The following KCNH1 variants were observed in gnomAD, a reference collection of about 807,000 sequenced individuals.
The protein encoded by KCNH1 is voltage-gated delayed rectifier potassium channel KCNH1.
A neutral mutation model predicts 69.2 loss-of-function variants in KCNH1; 27 were observed. The observed-to-expected ratio is 0.39, with a 90% CI of 0.29 to 0.54. KCNH1 has a LOEUF of 0.54. KCNH1 is among the 20% of genes least tolerant of loss of function. The probability of loss-of-function intolerance (pLI) is 0.68; values close to 1 mark genes in which losing one functional copy is unlikely to be tolerated. For synonymous variants in KCNH1, 456 were observed against 487.7 expected (o/e 0.93, Z 0.86); for missense variants, 798 against 1,261.6 (o/e 0.63, Z 5.57).
intron 4 of KCNH1, among the ~76,000 whole-genome samples, chr1:211,089,273 A>G (rs1164429218): frequency 2.6e-5 from 4 of 152,242 alleles, no homozygotes; most frequent in Non-Finnish European, 5.9e-5. Flanking sequence ...CTGCCATGAA[A>G]TAGCTACTGC....
intron 7 of KCNH1, among the ~76,000 whole-genome samples, chr1:210,817,678 A>C (rs1558482212): frequency 6.6e-6 from 1 of 152,164 alleles, no homozygotes. Context: ...TAAATCTCTT[A>C]GCAGGCCTAT....
chr1:210,759,310 C>T (rs1252708700), intron 10 of KCNH1, among the ~76,000 whole-genome samples: 2 of 152,018 alleles, frequency 1.3e-5, no homozygotes, highest in Non-Finnish European at 2.9e-5. Flanking sequence ...AGCAATGGAT[C>T]TGAGCCAGAA....
chr1:210,764,871 G>A lies in KCNH1; in HGVS notation c.2112+10477C>T, dbSNP rs561524975. 2.6e-5 allele frequency among the ~76,000 whole-genome samples: 4 copies of A among 152,110 alleles called. No homozygotes were observed. In the South Asian group the frequency reaches 6.2e-4, roughly 24 times the overall value. On this transcript the variant is annotated intron_variant, in intron 10 of 10. Transcript: ENST00000271751. ...TCCCATTACTGGTTATAAACCCAAA[G>A]GAAAATAAATTGTTCTACCAAAAAA... is the stretch of plus-strand genomic sequence containing the variant.
At chr1:211,115,728 T>TACAC (rs1391345720) in intron 1 of KCNH1, among the ~76,000 whole-genome samples, 24 of 88,078 alleles carry the variant, frequency 2.7e-4, no homozygotes, top group Non-Finnish European at 3.3e-4. Flanking sequence ...TATATATATA[T>TACAC]ATACACACAC....
chr1:210,997,923 G>A (rs1689084788), intron 6 of KCNH1, among the ~76,000 whole-genome samples: 1 of 152,178 alleles, frequency 6.6e-6, no homozygotes, highest in Admixed American at 6.5e-5. Flanking sequence ...AGCTTCATAA[G>A]TGAAGGAGAA....
intron 6 of KCNH1, among the ~76,000 whole-genome samples, chr1:210,929,098 T>C (rs73071587): frequency 0.025 from 3,881 of 152,210 alleles, 143 homozygotes; most frequent in African/African-American, 0.087. Context: ...CTATCAGATA[T>C]TCAGAGAAGA....
intron 1 of KCNH1, among the ~76,000 whole-genome samples, chr1:211,113,514 T>C (rs2102491417): frequency 6.6e-6 from 1 of 152,292 alleles, no homozygotes; most frequent in South Asian, 2.1e-4. Context: ...AAACTTAGTG[T>C]GCTGGCCAAT....
At chr1:210,896,921 T>A (rs1057294069) in intron 7 of KCNH1, among the ~76,000 whole-genome samples, 1 of 152,222 alleles carries the variant, frequency 6.6e-6, no homozygotes, top group African/African-American at 2.4e-5. Flanking sequence ...AGCTTTAGAA[T>A]AGGAACCTCC....
chr1:210,994,101 T>C (rs1429176751), intron 6 of KCNH1, among the ~76,000 whole-genome samples: 1 of 152,196 alleles, frequency 6.6e-6, no homozygotes, highest in Non-Finnish European at 1.5e-5. Flanking sequence ...AAACACAAAA[T>C]TGCTGACATT....
At chr1:211,018,116 G>A (rs1330856911) in intron 6 of KCNH1, among the ~76,000 whole-genome samples, 1 of 152,064 alleles carries the variant, frequency 6.6e-6, no homozygotes, top group Non-Finnish European at 1.5e-5. Context: ...TCCACCATGA[G>A]TGACCTGGTC....
intron 5 of KCNH1, among the ~76,000 whole-genome samples, chr1:211,054,263 CA>C (rs1284717568): frequency 6.7e-6 from 1 of 149,398 alleles, no homozygotes; most frequent in African/African-American, 2.5e-5. Context: ...GCCTGAGTGG[CA>C]AAATGAGACT....
intron 6 of KCNH1, among the ~76,000 whole-genome samples, chr1:211,003,224 T>G (rs967758606): frequency 1.3e-5 from 2 of 151,042 alleles, no homozygotes; most frequent in African/African-American, 4.9e-5. Context: ...TGTGCTCCTC[T>G]AAATCTACAC....
At chr1:211,013,726 T>C (rs1337761837) in intron 6 of KCNH1, among the ~76,000 whole-genome samples, 1 of 152,194 alleles carries the variant, frequency 6.6e-6, no homozygotes, top group South Asian at 2.1e-4. Flanking sequence ...AGAGCTGGGA[T>C]GGGCTCATCA....
chr1:210,883,629 A>G (rs1383472653), intron 7 of KCNH1, among the ~76,000 whole-genome samples: 1 of 152,262 alleles, frequency 6.6e-6, no homozygotes, highest in African/African-American at 2.4e-5. Flanking sequence ...CTTAAAGTGC[A>G]TATAAATTAT....
intron 7 of KCNH1, among the ~76,000 whole-genome samples, chr1:210,872,244 A>T (rs534580574): frequency 4.6e-5 from 7 of 151,940 alleles, no homozygotes; most frequent in African/African-American, 1.7e-4. Context: ...ATTGTTAGCT[A>T]TGATGACAAT....
intron 10 of KCNH1, among the ~76,000 whole-genome samples, chr1:210,754,201 G>T (rs944972674): frequency 6.6e-6 from 1 of 152,036 alleles, no homozygotes; most frequent in African/African-American, 2.4e-5. Context: ...TTACAGGCAT[G>T]AGCCACCGCA....
rs553684810 is a variant in KCNH1, at chr1:210,996,496, T to G, written c.1032+22287A>C. On this transcript the variant is annotated intron_variant, in intron 6 of 10. Coordinates refer to ENST00000271751, the MANE Select transcript of KCNH1 (RefSeq NM_172362.3). ...AACAAAGCAGCCAGGAACCTCGAAC[T>G]GGGTGGAGCCCACCACAGCTCAAGG... 1.9e-3 allele frequency among the ~76,000 whole-genome samples: 288 copies of G among 152,366 alleles called. 2 individuals carry two copies. Among genetic ancestry groups the G allele is most frequent in the African/African-American group, 6.4e-3 (267 of 41,596 alleles).
chr1:210,870,618 T>C (rs1231389327), intron 7 of KCNH1, among the ~76,000 whole-genome samples: 1 of 152,198 alleles, frequency 6.6e-6, no homozygotes. Flanking sequence ...TTATTTGTCA[T>C]GCTTTATTAG....
intron 7 of KCNH1, among the ~76,000 whole-genome samples, chr1:210,842,618 AT>A (rs1685434933): frequency 1.3e-5 from 2 of 152,068 alleles, no homozygotes; most frequent in African/African-American, 4.8e-5. Flanking sequence ...CTATTTTCAG[AT>A]TTCAGGTGAT....
Sources: allele counts gnomAD v4.1 joint callset (sites outside exome capture counted in the v4.1 genomes callset), GRCh38; gene constraint gnomAD v4.1.1; transcripts MANE v1.5; gene names NCBI Gene and HGNC (gene_info 2026-07-23, HGNC 2026-07-21).